Variants in TTC28 observed in about 807,000 individuals in gnomAD.
The protein encoded by TTC28 is tetratricopeptide repeat domain 28.
Under a neutral mutation model 198.0 loss-of-function variants are expected in TTC28, and 61 were observed. That is an observed-to-expected ratio of 0.31 (90% CI 0.25 to 0.38). The LOEUF (loss-of-function observed/expected upper bound fraction) is 0.38, where lower values mean the gene tolerates loss of function less well. TTC28 is among the 10% of genes least tolerant of loss of function. The pLI is 1.00. For synonymous variants in TTC28, 1,171 were observed against 1,297.8 expected (o/e 0.90, Z 2.10); for missense variants, 2,678 against 3,164.0 (o/e 0.85, Z 3.69).
At chr22:28,453,279 A>G (rs773406400) in intron 2 of TTC28, among the ~76,000 whole-genome samples, 6 of 152,222 alleles carry the variant, frequency 3.9e-5, no homozygotes, top group Non-Finnish European at 7.3e-5. Context: ...TTTTGTTTAT[A>G]TTAAAACACA....
chr22:28,068,656 T>C (rs1457280392), intron 12 of TTC28, among the ~76,000 whole-genome samples: 1 of 152,164 alleles, frequency 6.6e-6, no homozygotes, highest in Non-Finnish European at 1.5e-5. Context: ...AGCAATTACT[T>C]AGGGGGAGTT....
At chr22:28,069,786 T>C (rs1315682156) in intron 12 of TTC28, among the ~76,000 whole-genome samples, 3 of 152,118 alleles carry the variant, frequency 2.0e-5, no homozygotes, top group Non-Finnish European at 2.9e-5. Context: ...AAACACCACA[T>C]TCCAAAGTCC....
At chr22:28,121,111 G>A (rs960623320) in intron 6 of TTC28, among the ~76,000 whole-genome samples, 2 of 152,196 alleles carry the variant, frequency 1.3e-5, no homozygotes, top group Non-Finnish European at 2.9e-5. Context: ...GGAGGCTCCT[G>A]AGGCTGGCTC....
At chr22:28,492,221 C>G (rs34843903) in intron 2 of TTC28, among the ~76,000 whole-genome samples, 7,437 of 152,048 alleles carry the variant, frequency 0.049, 261 homozygotes, top group African/African-American at 0.096. Context: ...TGTAACAAAC[C>G]TGCACGTTGT....
chr22:28,552,076 C>T (rs1007076119), intron 2 of TTC28, among the ~76,000 whole-genome samples: 1 of 152,104 alleles, frequency 6.6e-6, no homozygotes, highest in African/African-American at 2.4e-5. Context: ...CTCTGCTATA[C>T]ACCAATAGCA....
At chr22:28,594,507 C>G (rs887633830) in intron 2 of TTC28, among the ~76,000 whole-genome samples, 7 of 147,798 alleles carry the variant, frequency 4.7e-5, no homozygotes, top group African/African-American at 1.9e-4. Context: ...CCTTTGGTAC[C>G]CTGGGGCAGA....
At chr22:28,654,388 C>T (rs866250982) in intron 1 of TTC28, among the ~76,000 whole-genome samples, 2 of 152,092 alleles carry the variant, frequency 1.3e-5, no homozygotes, top group African/African-American at 4.8e-5. Flanking sequence ...AGTGCAGTGG[C>T]GCAATCTCAG....
rs1191419046 is a variant in TTC28, at chr22:28,163,316, T to C, written c.1217A>G (p.Tyr406Cys). 1.9e-6 allele frequency: 3 copies of C among 1,552,048 alleles called. No individual in the cohort carries two copies. The highest frequency in any genetic ancestry group is 1.2e-5 in the South Asian group (1 of 84,060). ...CATGGCCTTGTCAAAGTTCCTCCGG[T>C]AGTGATAGGCACTGCCCAGGTTGCT... The part of the protein sequence containing the change: ...AYSNLGSAYH[Y>C]RRNFDKAMSY... The change falls in exon 6 of 23, where the codon TAC (tyrosine) becomes TGC (cysteine). Residue 406 changes from tyrosine to cysteine, a missense_variant. Physicochemically the swap from Tyr to Cys is radical, Grantham distance 194. This residue lies in a region of TTC28 where 775 missense variants were observed against 845.9 expected (regional missense o/e 0.92). Coordinates refer to ENST00000397906, the MANE Select transcript of TTC28 (RefSeq NM_001145418.2).
At chr22:28,275,920 T>C (rs1932391185) in intron 5 of TTC28, among the ~76,000 whole-genome samples, 1 of 152,112 alleles carries the variant, frequency 6.6e-6, no homozygotes, top group South Asian at 2.1e-4. Context: ...GAAACAGCAT[T>C]GGACTAAAAC....
chr22:28,191,598 G>C (rs1924762728), intron 5 of TTC28, among the ~76,000 whole-genome samples: 1 of 152,224 alleles, frequency 6.6e-6, no homozygotes, highest in Non-Finnish European at 1.5e-5. Context: ...CCCTAATACT[G>C]CGCTTTTCCA....
chr22:28,304,896 A>G (rs2045105497), intron 3 of TTC28, among the ~76,000 whole-genome samples: 1 of 152,086 alleles, frequency 6.6e-6, no homozygotes, highest in African/African-American at 2.4e-5. Context: ...TTTTTTTCTT[A>G]TTGTCCATTC....
intron 6 of TTC28, 51 bp downstream of exon 6, chr22:28,163,041 T>C (rs1325396773): frequency 1.3e-6 from 2 of 1,485,626 alleles, no homozygotes; most frequent in Non-Finnish European, 1.8e-6. Flanking sequence ...ACTCCAGCTA[T>C]TTCCAGCTCA....
chr22:28,025,847 G>GT (rs1938810099), intron 13 of TTC28, among the ~76,000 whole-genome samples: 1 of 152,156 alleles, frequency 6.6e-6, no homozygotes, highest in African/African-American at 2.4e-5. Flanking sequence ...CCCAGCCTGG[G>GT]TGACAGAGTG....
chr22:28,550,921 G>C (rs931338546), intron 2 of TTC28, among the ~76,000 whole-genome samples: 1 of 151,900 alleles, frequency 6.6e-6, no homozygotes, highest in Non-Finnish European at 1.5e-5. Flanking sequence ...TCTTATATCA[G>C]ACAAACCAAA....
intron 5 of TTC28, among the ~76,000 whole-genome samples, chr22:28,257,435 G>T (rs1931008733): frequency 6.6e-6 from 1 of 151,866 alleles, no homozygotes. Context: ...AAAAAGAAGG[G>T]AATTCTGTAA....
intron 2 of TTC28, among the ~76,000 whole-genome samples, chr22:28,393,338 A>G (rs2046765016): frequency 6.6e-6 from 1 of 152,294 alleles, no homozygotes; most frequent in Admixed American, 6.5e-5. Context: ...GTATTGGTTC[A>G]TGGGTGTGAT....
chr22:28,567,853 TA>T (rs905820971), intron 2 of TTC28, among the ~76,000 whole-genome samples: 1 of 151,806 alleles, frequency 6.6e-6, no homozygotes, highest in African/African-American at 2.4e-5. Flanking sequence ...AAAAACTGCA[TA>T]AGGGGAACGA....
At chr22:28,221,309 C>T (rs1350406708) in intron 5 of TTC28, among the ~76,000 whole-genome samples, 1 of 152,136 alleles carries the variant, frequency 6.6e-6, no homozygotes, top group Non-Finnish European at 1.5e-5. Flanking sequence ...AGTTACTGAG[C>T]TCAGGGAGCT....
intron 5 of TTC28, among the ~76,000 whole-genome samples, chr22:28,187,424 T>C (rs1426037581): frequency 2.0e-5 from 3 of 152,200 alleles, no homozygotes; most frequent in Non-Finnish European, 1.5e-5. Flanking sequence ...ATTTTTGGTA[T>C]AACAAAATTA....
Sources: gnomAD v4.1 joint callset for allele counts (sites outside exome capture counted in the v4.1 genomes callset) on GRCh38, gnomAD v4.1.1 for gene constraint, gnomAD v4.1.1 regional missense constraint, MANE v1.5 for transcripts, NCBI Gene and HGNC (gene_info 2026-07-23, HGNC 2026-07-21) for gene names.